PHF14: variants seen among roughly 807,000 people sequenced by gnomAD.
PHF14 encodes PHD finger protein 14.
PHF14 carries 55 observed loss-of-function variants against 117.9 expected under a neutral mutation model. The observed-to-expected ratio is 0.47, with a 90% CI of 0.38 to 0.58. The LOEUF (loss-of-function observed/expected upper bound fraction) is 0.58, where lower values mean the gene tolerates loss of function less well. Ranked by LOEUF, PHF14 falls within the 20% of genes least tolerant of loss-of-function variation. The pLI, the probability that PHF14 is intolerant of heterozygous loss-of-function variation, is 0.00. For missense variants in PHF14, 978 were observed against 1,122.2 expected (o/e 0.87, Z 1.84); for synonymous variants, 409 against 368.6 (o/e 1.11, Z -1.26).
At chr7:10,990,136 C>G (rs1782395899) in intron 3 of PHF14, among the ~76,000 whole-genome samples, 1 of 152,138 alleles carries the variant, frequency 6.6e-6, no homozygotes, top group Admixed American at 6.5e-5. Context: ...TTTGATAATG[C>G]TGGAATTTCT....
In PHF14 at chr7:10,982,815, C is replaced by A. The variant is rs772365882; in HGVS notation, c.556C>A (p.Arg186=). 1.2e-6 allele frequency: 2 copies of A among 1,613,878 alleles called. No homozygotes were observed. Among genetic ancestry groups the A allele is most frequent in the Middle Eastern group, 1.6e-4 (1 of 6,062 alleles). Residue 186 remains arginine, a synonymous_variant, in exon 3 of 18, where the codon CGA becomes AGA. Coordinates refer to ENST00000634607, the MANE Select transcript of PHF14 (RefSeq NM_001007157.2). ...QVSEPKKWNL[R]RNRPLLDFVS... ...CAGCGAGCCAAAAAAATGGAACCTT[C>A]GACGAAACCGACCACTTCTGGATTT...
chr7:11,092,665 T>G (rs954207019), intron 16 of PHF14, among the ~76,000 whole-genome samples: 1 of 152,188 alleles, frequency 6.6e-6, no homozygotes, highest in Non-Finnish European at 1.5e-5. Flanking sequence ...ATATCACTCA[T>G]CTAAACCCAG....
Position 11,061,774 on chromosome 7 carries a change from T to G in PHF14, c.2482-17T>G, listed in dbSNP as rs896449850. ...TGTGGATTTTTGTTTTTTGTTTTTTTTTTTGTTTTTTTCCAGAGAACCAGA... is the reference window on the plus strand; with the variant it reads ...TGTGGATTTTTGTTTTTTGTTTTTTGTTTTGTTTTTTTCCAGAGAACCAGA... On this transcript the variant is annotated splice_polypyrimidine_tract_variant and intron_variant, in intron 14 of 17. Transcript: ENST00000634607. 1.9e-5 allele frequency: 28 copies of G among 1,494,828 alleles called. No homozygotes were observed. The highest frequency in any genetic ancestry group is 5.3e-5 in the Admixed American group (2 of 37,810). The allele number at this position is 1,494,828 out of a possible 1,614,324, so 92.6% of individuals were successfully genotyped here.
chr7:11,071,276 G>A (rs1416863817), intron 16 of PHF14: 2 of 518,462 alleles, frequency 3.9e-6, no homozygotes, highest in Non-Finnish European at 3.9e-6. Context: ...CCAAGTCCAT[G>A]TTACCTGTTT....
rs1784670913 is a variant in PHF14, at chr7:11,046,553, T to C, written c.2312+3739T>C. ...TTCATTTACATTTTTTTATTGCCTC[T>C]TCTTCCCATTAACCGCTAGTAGGAA... On this transcript the variant is annotated intron_variant, in intron 13 of 17. Coordinates refer to ENST00000634607, the MANE Select transcript of PHF14 (RefSeq NM_001007157.2). Among the ~76,000 whole-genome samples the C allele has an allele frequency of 3.3e-5, 5 of 152,196 alleles. No individual in the cohort carries two copies. In the South Asian group the frequency reaches 6.2e-4, roughly 19 times the overall value.
chr7:11,063,398 A>C, intron 16 of PHF14: 11 of 977,308 alleles, frequency 1.1e-5, no homozygotes, highest in Non-Finnish European at 1.3e-5. Flanking sequence ...AACATAATGG[A>C]GTAAATGAAA....
At chr7:11,043,347 A>G (rs544887061) in intron 13 of PHF14, among the ~76,000 whole-genome samples, 2 of 152,178 alleles carry the variant, frequency 1.3e-5, no homozygotes, top group South Asian at 2.1e-4. Context: ...TATAGTATCT[A>G]TAATGAGTTT....
At chr7:11,109,494 TG>T (rs1399131372) in intron 16 of PHF14, 1 of 151,568 alleles carries the variant, frequency 6.6e-6, no homozygotes, top group Admixed American at 6.6e-5. Context: ...CCAGTTTTTA[TG>T]TATGAAGGAG....
At chr7:11,139,676 G>A (rs192575134) in intron 17 of PHF14, among the ~76,000 whole-genome samples, 40 of 152,258 alleles carry the variant, frequency 2.6e-4, no homozygotes, top group Admixed American at 2.4e-3. Context: ...AGTCAAGTGT[G>A]TATTGTGTGT....
intron 4 of PHF14, among the ~76,000 whole-genome samples, chr7:11,005,014 C>T (rs760934422): frequency 6.6e-6 from 1 of 150,520 alleles, no homozygotes; most frequent in Non-Finnish European, 1.5e-5. Context: ...GAGATTCCGT[C>T]TCAAAAAAAA....
chr7:11,101,092 A>G (rs1787069410), intron 16 of PHF14, among the ~76,000 whole-genome samples: 1 of 151,916 alleles, frequency 6.6e-6, no homozygotes, highest in Non-Finnish European at 1.5e-5. Context: ...CTGGGAAGAT[A>G]GGAGCCAAGA....
chr7:11,049,788 T>C (rs558631781), intron 13 of PHF14, among the ~76,000 whole-genome samples: 5 of 152,328 alleles, frequency 3.3e-5, no homozygotes, highest in African/African-American at 1.2e-4. Context: ...CAGTCCTTGA[T>C]GTTTTCATAT....
intron 17 of PHF14, among the ~76,000 whole-genome samples, chr7:11,152,808 A>G (rs1788738472): frequency 6.6e-6 from 1 of 152,184 alleles, no homozygotes; most frequent in African/African-American, 2.4e-5. Flanking sequence ...CATAAAGTCA[A>G]AGAACTCACT....
intron 16 of PHF14, chr7:11,062,920 T>C (rs921897530): frequency 2.0e-6 from 2 of 981,746 alleles, no homozygotes; most frequent in East Asian, 1.1e-4. Context: ...TAAAAAATTG[T>C]CTTCTGGTAA....
At chr7:11,163,978 A>T (rs537139120) in intron 17 of PHF14, among the ~76,000 whole-genome samples, 1 of 152,214 alleles carries the variant, frequency 6.6e-6, no homozygotes, top group Admixed American at 6.5e-5. Context: ...ATGTATTCTT[A>T]CACTTTTAAA....
chr7:11,033,665 T>A (rs1465936033), intron 7 of PHF14, among the ~76,000 whole-genome samples: 4 of 152,216 alleles, frequency 2.6e-5, no homozygotes, highest in Admixed American at 6.5e-5. Flanking sequence ...GGTGTTTTTC[T>A]TAAGTCAGAG....
At chr7:11,144,750 G>A (rs1788499199) in intron 17 of PHF14, among the ~76,000 whole-genome samples, 1 of 151,742 alleles carries the variant, frequency 6.6e-6, no homozygotes. Context: ...ATAAATGTTT[G>A]TGGTGATGTG....
chr7:11,105,099 A>G (rs995416904), intron 16 of PHF14: 2 of 961,578 alleles, frequency 2.1e-6, no homozygotes, highest in Non-Finnish European at 2.5e-6. Context: ...ATCAATAAAC[A>G]TAGCCTGTGT....
intron 17 of PHF14, among the ~76,000 whole-genome samples, chr7:11,167,773 A>G (rs1366514754): frequency 2.0e-5 from 3 of 152,222 alleles, no homozygotes; most frequent in African/African-American, 7.2e-5. Context: ...TCACGCCTGT[A>G]ATCCCGGCAC....
Sources: allele counts gnomAD v4.1 joint callset (sites outside exome capture counted in the v4.1 genomes callset), GRCh38; gene constraint gnomAD v4.1.1; transcripts MANE v1.5; gene names NCBI Gene and HGNC (gene_info 2026-07-23, HGNC 2026-07-21).